Variants in SNX24 observed in about 807,000 individuals in gnomAD.
The protein encoded by SNX24 is sorting nexin-24.
A neutral mutation model predicts 28.7 loss-of-function variants in SNX24; 22 were observed. The observed-to-expected ratio is 0.77, with a 90% CI of 0.55 to 1.10. SNX24 has a LOEUF of 1.10. SNX24 is among the 50% of genes least tolerant of loss of function. The pLI is 0.00. For missense variants in SNX24, 221 were observed against 201.1 expected (o/e 1.10, Z -0.60); for synonymous variants, 69 against 71.5 (o/e 0.96, Z 0.18).
intron 3 of SNX24, among the ~76,000 whole-genome samples, chr5:122,993,181 T>G (rs192478822): frequency 6.6e-6 from 1 of 152,226 alleles, no homozygotes; most frequent in East Asian, 1.9e-4. Context: ...AGACACATCT[T>G]GCAAATGGTG....
chr5:123,002,056 C>A, intron 6 of SNX24, 52 bp downstream of exon 6: 1 of 1,391,368 alleles, frequency 7.2e-7, no homozygotes, highest in Non-Finnish European at 1.0e-6. Flanking sequence ...GACCCTGCAC[C>A]ACATAAACCA....
chr5:122,871,885 G>A (rs1302891450), intron 1 of SNX24, among the ~76,000 whole-genome samples: 1 of 152,040 alleles, frequency 6.6e-6, no homozygotes, highest in Admixed American at 6.6e-5. Flanking sequence ...TTCTGGCATC[G>A]TGACTAGTCA....
chr5:122,858,320 A>G (rs111360351), intron 1 of SNX24, among the ~76,000 whole-genome samples: 1 of 152,258 alleles, frequency 6.6e-6, no homozygotes, highest in African/African-American at 2.4e-5. Context: ...AGCACATGCT[A>G]TTGGAAAAAT....
intron 1 of SNX24, among the ~76,000 whole-genome samples, chr5:122,861,199 G>T (rs1399481027): frequency 3.3e-5 from 5 of 152,032 alleles, no homozygotes; most frequent in African/African-American, 1.2e-4. Flanking sequence ...AACTAGCTGG[G>T]CATGGTGGTG....
intron 1 of SNX24, among the ~76,000 whole-genome samples, chr5:122,879,222 A>G (rs185668582): frequency 3.3e-5 from 5 of 152,310 alleles, no homozygotes; most frequent in Admixed American, 2.0e-4. Context: ...TGGACCAGCC[A>G]TGTTTCAAAT....
At chr5:122,921,913 T>C (rs1483788234) in intron 1 of SNX24, among the ~76,000 whole-genome samples, 1 of 152,350 alleles carries the variant, frequency 6.6e-6, no homozygotes, top group African/African-American at 2.4e-5. Flanking sequence ...TGGTATATCA[T>C]GTAACTAGCA....
At chr5:122,964,061 C>T (rs950525844) in intron 3 of SNX24, among the ~76,000 whole-genome samples, 6 of 151,558 alleles carry the variant, frequency 4.0e-5, no homozygotes, top group Admixed American at 6.6e-5. Context: ...GCCAACGTGG[C>T]GAAACCCCGT....
chr5:122,925,167 TC>T (rs1758630541), intron 1 of SNX24, among the ~76,000 whole-genome samples: 1 of 49,222 alleles, frequency 2.0e-5, no homozygotes, highest in Admixed American at 3.0e-4. Context: ...TCCCCTCCCA[TC>T]CCCCTCCCAT....
intron 1 of SNX24, among the ~76,000 whole-genome samples, chr5:122,849,675 A>G (rs1399970917): frequency 6.6e-6 from 1 of 152,128 alleles, no homozygotes; most frequent in Non-Finnish European, 1.5e-5. Flanking sequence ...AGATGCACCC[A>G]AATGTTACTT....
chr5:122,985,708 C>T (rs1300187688), intron 3 of SNX24, among the ~76,000 whole-genome samples: 4 of 152,332 alleles, frequency 2.6e-5, no homozygotes, highest in East Asian at 1.9e-4. Context: ...ACACTTGTTG[C>T]GGTGGCATCT....
At chr5:122,966,301 G>C (rs547022309) in intron 3 of SNX24, among the ~76,000 whole-genome samples, 4 of 152,222 alleles carry the variant, frequency 2.6e-5, no homozygotes, top group African/African-American at 7.2e-5. Flanking sequence ...TAAGTTCTAG[G>C]GTACATGTGC....
intron 5 of SNX24, chr5:123,023,965 C>T (rs756767824): frequency 2.5e-6 from 4 of 1,613,884 alleles, no homozygotes; most frequent in Non-Finnish European, 2.5e-6. Context: ...GACGGTCATG[C>T]CCATCAGTTG....
At chr5:122,867,626 G>T (rs2161158) in intron 1 of SNX24, among the ~76,000 whole-genome samples, 53,822 of 152,030 alleles carry the variant, frequency 0.35, 10,149 homozygotes, top group African/African-American at 0.45. Context: ...GCTACTTTAT[G>T]AGCCCATTTG....
chr5:122,938,089 A>C (rs1333319659), intron 2 of SNX24, among the ~76,000 whole-genome samples: 1 of 151,954 alleles, frequency 6.6e-6, no homozygotes, highest in Non-Finnish European at 1.5e-5. Flanking sequence ...GGACTCCATG[A>C]CCCTAGCACA....
chr5:122,915,568 G>A (rs1189300494), intron 1 of SNX24, among the ~76,000 whole-genome samples: 1 of 152,178 alleles, frequency 6.6e-6, no homozygotes, highest in Admixed American at 6.5e-5. Context: ...GGAGGCTGCA[G>A]TGAGCTATGA....
intron 1 of SNX24, among the ~76,000 whole-genome samples, chr5:122,933,343 C>G (rs1240952716): frequency 2.0e-5 from 3 of 152,176 alleles, no homozygotes; most frequent in African/African-American, 4.8e-5. Context: ...TCTCACGTGC[C>G]GATTGGTTTT....
At chr5:122,987,627 G>T (rs1323695707) in intron 3 of SNX24, among the ~76,000 whole-genome samples, 1 of 152,178 alleles carries the variant, frequency 6.6e-6, no homozygotes, top group Non-Finnish European at 1.5e-5. Flanking sequence ...TGGGTTTGGA[G>T]GTGGTTCAGG....
At chr5:122,920,785 T>G (rs1758399279) in intron 1 of SNX24, among the ~76,000 whole-genome samples, 1 of 152,204 alleles carries the variant, frequency 6.6e-6, no homozygotes, top group Non-Finnish European at 1.5e-5. Flanking sequence ...ATGTTTTCAC[T>G]CAAAAATTTA....
chr5:123,009,519 A>G (rs1762521467), downstream of SNX24, among the ~76,000 whole-genome samples: 1 of 152,172 alleles, frequency 6.6e-6, no homozygotes, highest in South Asian at 2.1e-4. Flanking sequence ...CGCTTTTTAT[A>G]TTTATGTAAA....
Sources: gnomAD v4.1 joint callset for allele counts (sites outside exome capture counted in the v4.1 genomes callset) on GRCh38, gnomAD v4.1.1 for gene constraint, MANE v1.5 for transcripts, NCBI Gene and HGNC (gene_info 2026-07-23, HGNC 2026-07-21) for gene names.